UNC13C: variants seen among roughly 807,000 people sequenced by gnomAD.
UNC13C encodes unc-13 homolog C, also known as protein unc-13 homolog C.
In UNC13C, 174 loss-of-function variants were observed where a neutral mutation model predicts 245.4. That is an observed-to-expected ratio of 0.71 (90% CI 0.63 to 0.80). The LOEUF (loss-of-function observed/expected upper bound fraction) is 0.80. Ranked by LOEUF, UNC13C falls within the 30% of genes least tolerant of loss-of-function variation. The pLI is 0.00. For missense variants in UNC13C, 2,829 were observed against 2,602.9 expected (o/e 1.09, Z -1.89); for synonymous variants, 992 against 895.1 (o/e 1.11, Z -1.93).
chr15:54,606,532 T>C (rs1279425167), intron 30 of UNC13C, among the ~76,000 whole-genome samples: 4 of 152,192 alleles, frequency 2.6e-5, no homozygotes, highest in African/African-American at 9.7e-5. Context: ...GCAAGTGCAT[T>C]ACACAAACCC....
At position 54,626,884 on chromosome 15, in the gene UNC13C, A is replaced by C. The variant is rs774872806; in HGVS notation, c.6416A>C (p.Asp2139Ala). 6.2e-7 allele frequency: 1 copy of C among 1,613,316 alleles called. No individual in the cohort carries two copies. Residue 2139 changes from aspartate (D) to alanine (A), a missense_variant, in exon 33 of 33, where the codon GAT becomes GCT. Physicochemically the swap from Asp to Ala is moderately radical, Grantham distance 126. Coordinates refer to ENST00000260323, the MANE Select transcript of UNC13C (RefSeq NM_001080534.3). Reference protein sequence around the residue: ...GAYELHLSVKDYCFAREDRII... With the variant: ...GAYELHLSVKAYCFAREDRII... ...TATGAACTTCATCTCTCAGTTAAGGATTACTGCTTTGCCAGAGAAGATCGA... is the reference window on the plus strand; with the variant it reads ...TATGAACTTCATCTCTCAGTTAAGGCTTACTGCTTTGCCAGAGAAGATCGA...
chr15:54,474,349 C>T (rs934336043), intron 19 of UNC13C, among the ~76,000 whole-genome samples: 1 of 151,630 alleles, frequency 6.6e-6, no homozygotes. Context: ...TATTTTTTTC[C>T]TTCTGATAAT....
intron 25 of UNC13C, among the ~76,000 whole-genome samples, chr15:54,532,648 C>T (rs1421129726): frequency 7.5e-6 from 1 of 134,012 alleles, no homozygotes; most frequent in Non-Finnish European, 1.7e-5. Context: ...AGGAACATCT[C>T]AACTGTGACT....
chr15:54,022,153 C>A (rs1339708799), intron 2 of UNC13C, among the ~76,000 whole-genome samples: 2 of 152,132 alleles, frequency 1.3e-5, no homozygotes, highest in African/African-American at 4.8e-5. Flanking sequence ...TTTGAAGGAA[C>A]CTCCATAGTA....
At chr15:54,217,336 C>T (rs1225581019) in intron 4 of UNC13C, among the ~76,000 whole-genome samples, 1 of 151,772 alleles carries the variant, frequency 6.6e-6, no homozygotes, top group East Asian at 1.9e-4. Context: ...AGCTAAGGTG[C>T]CAACCAAGGA....
At chr15:54,298,985 A>C (rs556691675) in intron 12 of UNC13C, among the ~76,000 whole-genome samples, 1 of 152,270 alleles carries the variant, frequency 6.6e-6, no homozygotes, top group East Asian at 1.9e-4. Context: ...AATCGTGTGT[A>C]TATTACACAC....
intron 2 of UNC13C, among the ~76,000 whole-genome samples, chr15:54,130,937 C>T (rs1393231524): frequency 6.6e-6 from 1 of 152,146 alleles, no homozygotes; most frequent in East Asian, 1.9e-4. Flanking sequence ...TGTTATTTAT[C>T]TTGGTTTTCA....
chr15:54,457,226 A>G (rs995494267), intron 19 of UNC13C, among the ~76,000 whole-genome samples: 1 of 151,902 alleles, frequency 6.6e-6, no homozygotes, highest in Non-Finnish European at 1.5e-5. Flanking sequence ...TTGGTATGAA[A>G]CCCTCTTAAT....
chr15:54,005,837 G>A (rs1895110486), intron 1 of UNC13C, among the ~76,000 whole-genome samples: 1 of 152,116 alleles, frequency 6.6e-6, no homozygotes, highest in Non-Finnish European at 1.5e-5. Context: ...GTGACCTAGA[G>A]CAGAGGGTAT....
chr15:54,405,736 G>A (rs1010084283), intron 18 of UNC13C, among the ~76,000 whole-genome samples: 1 of 151,988 alleles, frequency 6.6e-6, no homozygotes, highest in Non-Finnish European at 1.5e-5. Context: ...TCCAGTACCG[G>A]CTTTCCTCTT....
intron 13 of UNC13C, among the ~76,000 whole-genome samples, chr15:54,309,825 T>C (rs948866733): frequency 3.9e-5 from 6 of 151,910 alleles, no homozygotes; most frequent in African/African-American, 7.2e-5. Flanking sequence ...GATTTATTTC[T>C]GGGCCCTCTA....
intron 2 of UNC13C, among the ~76,000 whole-genome samples, chr15:54,055,259 G>T (rs1897459118): frequency 6.6e-6 from 1 of 152,094 alleles, no homozygotes; most frequent in Non-Finnish European, 1.5e-5. Context: ...GGGTTTCCCT[G>T]AACACTAAAT....
chr15:54,144,933 A>G (rs970367045), intron 4 of UNC13C, among the ~76,000 whole-genome samples: 3 of 151,786 alleles, frequency 2.0e-5, no homozygotes, highest in Non-Finnish European at 2.9e-5. Context: ...ATATCTATAT[A>G]ATTAATTATC....
intron 1 of UNC13C, among the ~76,000 whole-genome samples, chr15:53,979,965 G>A (rs1262661641): frequency 6.6e-6 from 1 of 152,108 alleles, no homozygotes; most frequent in Non-Finnish European, 1.5e-5. Flanking sequence ...GGGGAGAAAC[G>A]AGAATGAGAA....
At chr15:54,340,894 A>C (rs998838122) in intron 17 of UNC13C, among the ~76,000 whole-genome samples, 2 of 152,200 alleles carry the variant, frequency 1.3e-5, no homozygotes, top group African/African-American at 4.8e-5. Flanking sequence ...TCATTTTCAC[A>C]ATATTGATTC....
At chr15:54,314,955 T>TC (rs920476277) in intron 13 of UNC13C, among the ~76,000 whole-genome samples, 3 of 151,754 alleles carry the variant, frequency 2.0e-5, no homozygotes, top group African/African-American at 7.2e-5. Context: ...TATTTTTTTT[T>TC]CCTTCTGACT....
chr15:54,209,887 T>C (rs560549284), intron 4 of UNC13C, among the ~76,000 whole-genome samples: 374 of 152,254 alleles, frequency 2.5e-3, no homozygotes, highest in Middle Eastern at 0.014. Context: ...ATAAATAAGA[T>C]AAAATGAGAT....
intron 30 of UNC13C, among the ~76,000 whole-genome samples, chr15:54,578,536 A>T (rs895251420): frequency 6.6e-6 from 1 of 152,232 alleles, no homozygotes; most frequent in African/African-American, 2.4e-5. Flanking sequence ...TGAAGGTAAC[A>T]TACATATATT....
the UNC13C span, among the ~76,000 whole-genome samples, chr15:53,899,912 G>C: frequency 6.6e-6 from 1 of 152,084 alleles, no homozygotes; most frequent in Non-Finnish European, 1.5e-5. Context: ...GTCTCACCCA[G>C]TTCTGCATGG....
Sources: allele counts gnomAD v4.1 joint callset (sites outside exome capture counted in the v4.1 genomes callset), GRCh38; gene constraint gnomAD v4.1.1; transcripts MANE v1.5; gene names NCBI Gene and HGNC (gene_info 2026-07-23, HGNC 2026-07-21).